COL4A2: variants seen among roughly 807,000 people sequenced by gnomAD.
COL4A2 encodes the protein collagen alpha-2(IV) chain.
COL4A2 carries 99 observed loss-of-function variants against 200.2 expected under a neutral mutation model. The ratio of observed to expected loss-of-function variants is 0.49; its 90% confidence interval spans 0.42 to 0.58. The LOEUF (loss-of-function observed/expected upper bound fraction) is 0.58, where lower values mean the gene tolerates loss of function less well. COL4A2 is among the 20% of genes least tolerant of loss of function. The probability of loss-of-function intolerance (pLI) is 0.00; values close to 1 mark genes in which losing one functional copy is unlikely to be tolerated. For missense variants in COL4A2, 1,950 were observed against 2,314.1 expected (o/e 0.84, Z 3.23); for synonymous variants, 897 against 900.6 (o/e 1.00, Z 0.07).
chr13:110,509,146 A>G (rs1016292883), intron 47 of COL4A2, among the ~76,000 whole-genome samples: 8 of 151,534 alleles, frequency 5.3e-5, no homozygotes, highest in Non-Finnish European at 1.0e-4. Context: ...AGTCTCACTG[A>G]GGACAGTGGG....
chr13:110,499,935 G>C lies in COL4A2; in HGVS notation c.3761-1733G>C, dbSNP rs560014301. Among the ~76,000 whole-genome samples the C allele has an allele frequency of 3.3e-5, 5 of 152,350 alleles. No individual in the cohort carries two copies. In the East Asian group the frequency reaches 9.6e-4, roughly 29 times the overall value. ...GGGTACTTTGTGACAATAGCTAGAAGCAGTTCAATTGGTGTCATTTTATAT... is the reference window on the plus strand; with the variant it reads ...GGGTACTTTGTGACAATAGCTAGAACCAGTTCAATTGGTGTCATTTTATAT... On this transcript the variant is annotated intron_variant, in intron 40 of 47. Transcript: ENST00000360467.
intron 4 of COL4A2, among the ~76,000 whole-genome samples, chr13:110,413,359 C>T (rs979623503): frequency 3.9e-5 from 6 of 152,174 alleles, no homozygotes; most frequent in Non-Finnish European, 7.3e-5. Context: ...CCAAGGGCCT[C>T]GCGGTCTCAC....
At chr13:110,388,355 CCAGACA>C (rs1413656157) in intron 4 of COL4A2, among the ~76,000 whole-genome samples, 7 of 152,146 alleles carry the variant, frequency 4.6e-5, no homozygotes, top group Non-Finnish European at 7.3e-5. Flanking sequence ...GCTCGGTGCT[CCAGACA>C]CTACTTGAAA....
chr13:110,375,565 C>T (rs1441834397), intron 4 of COL4A2, among the ~76,000 whole-genome samples: 1 of 152,186 alleles, frequency 6.6e-6, no homozygotes, highest in Non-Finnish European at 1.5e-5. Context: ...TGCAGTGTCT[C>T]ATACCTGTAA....
chr13:110,460,194 T>A (rs1402130405), intron 22 of COL4A2, among the ~76,000 whole-genome samples: 1 of 152,144 alleles, frequency 6.6e-6, no homozygotes, highest in Non-Finnish European at 1.5e-5. Context: ...GCCCACAGCA[T>A]GGAAGGAACC....
At chr13:110,393,832 T>C (rs927663597) in intron 4 of COL4A2, among the ~76,000 whole-genome samples, 1 of 152,086 alleles carries the variant, frequency 6.6e-6, no homozygotes, top group African/African-American at 2.4e-5. Context: ...GGAGCCGAGA[T>C]CGCACCACTG....
At chr13:110,372,322 G>A (rs533952717) in intron 4 of COL4A2, among the ~76,000 whole-genome samples, 20 of 152,240 alleles carry the variant, frequency 1.3e-4, no homozygotes, top group African/African-American at 4.6e-4. Context: ...TAATGTTTCC[G>A]TCTCTGAACA....
chr13:110,480,413 G>A, intron 31 of COL4A2, 23 bp downstream of exon 31: 3 of 1,596,370 alleles, frequency 1.9e-6, no homozygotes, highest in Non-Finnish European at 2.6e-6. Context: ...CTGTGACCAG[G>A]GATCCCTTGG....
intron 27 of COL4A2, chr13:110,468,157 G>C (rs1170426077): frequency 2.1e-6 from 1 of 471,232 alleles, no homozygotes; most frequent in South Asian, 1.5e-5. Context: ...TATGTGCCCT[G>C]CACCTTAAGG....
intron 4 of COL4A2, among the ~76,000 whole-genome samples, chr13:110,396,011 C>G (rs1366817436): frequency 2.0e-5 from 3 of 152,134 alleles, no homozygotes; most frequent in Non-Finnish European, 4.4e-5. Flanking sequence ...AGTAACGAGT[C>G]AAAAGAAAGA....
rs371295752 is a variant in COL4A2, at chr13:110,307,962, G to T, written c.44+15G>T. 3 of 1,612,428 alleles carry T rather than the reference G, an allele frequency of 1.9e-6. No homozygotes were observed. The highest frequency in any genetic ancestry group is 2.5e-6 in the Non-Finnish European group (3 of 1,179,546). ...GCCCTACGGCGGTAAGCGACTTTCT[G>T]CCTGGTCCCCGTGGGTCACGCGCGC... On this transcript the variant is annotated intron_variant, in intron 2 of 47. Coordinates refer to ENST00000360467, the MANE Select transcript of COL4A2 (RefSeq NM_001846.4). The surrounding 1 kb of genome is among the most constrained non-coding windows in gnomAD (Gnocchi z 5.0).
chr13:110,325,845 G>A (rs1885393962), intron 3 of COL4A2, among the ~76,000 whole-genome samples: 1 of 150,948 alleles, frequency 6.6e-6, no homozygotes, highest in Non-Finnish European at 1.5e-5. Flanking sequence ...GTGCAGTGTT[G>A]AGATCTCAGC....
At chr13:110,481,802 GT>G (rs370571146) in intron 31 of COL4A2, among the ~76,000 whole-genome samples, 3 of 22,792 alleles carry the variant, frequency 1.3e-4, no homozygotes, top group African/African-American at 3.6e-4. Flanking sequence ...CTGTCCCTCC[GT>G]TGCTGGAGAC....
intron 36 of COL4A2, among the ~76,000 whole-genome samples, chr13:110,490,343 TTTC>T (rs1290820865): frequency 5.3e-5 from 8 of 152,218 alleles, no homozygotes; most frequent in East Asian, 1.9e-4. Context: ...CTGTGATAGT[TTTC>T]TTCTTTCTGG....
chr13:110,309,017 C>A (rs1002004049), intron 3 of COL4A2, among the ~76,000 whole-genome samples: 2 of 152,272 alleles, frequency 1.3e-5, no homozygotes, highest in East Asian at 1.9e-4. Flanking sequence ...CAGCCGGGGC[C>A]CAGGTGGATT....
intron 3 of COL4A2, among the ~76,000 whole-genome samples, chr13:110,311,432 T>C (rs918480619): frequency 9.9e-5 from 15 of 152,122 alleles, no homozygotes; most frequent in African/African-American, 3.6e-4. Flanking sequence ...CGGGGTGCAG[T>C]TCTCAGTCTG....
intron 47 of COL4A2, among the ~76,000 whole-genome samples, chr13:110,509,270 T>TATACACACACACACACACACACACACAC (rs1435137108): frequency 4.3e-5 from 5 of 115,600 alleles, no homozygotes; most frequent in African/African-American, 1.7e-4. Flanking sequence ...TATATATATA[T>TATACACACACACACACACACACACACAC]ACACACACAC....
At chr13:110,438,957 G>A (rs892519877) in intron 15 of COL4A2, among the ~76,000 whole-genome samples, 2 of 152,156 alleles carry the variant, frequency 1.3e-5, no homozygotes, top group Non-Finnish European at 2.9e-5. Flanking sequence ...CGCGAGTACC[G>A]CACAAAACCT....
At chr13:110,380,505 C>A (rs1283514125) in intron 4 of COL4A2, among the ~76,000 whole-genome samples, 1 of 152,196 alleles carries the variant, frequency 6.6e-6, no homozygotes, top group Non-Finnish European at 1.5e-5. Flanking sequence ...TCATCGGATT[C>A]TCACACTCAC....
Sources: allele counts gnomAD v4.1 joint callset (sites outside exome capture counted in the v4.1 genomes callset), GRCh38; gene constraint gnomAD v4.1.1; non-coding constraint Gnocchi (gnomAD v3.1); transcripts MANE v1.5; gene names NCBI Gene and HGNC (gene_info 2026-07-23, HGNC 2026-07-21).